The following SUPT3H variants were observed in gnomAD, a reference collection of about 807,000 sequenced individuals.
The protein encoded by SUPT3H is SPT3 homolog, SAGA and STAGA complex component.
SUPT3H carries 44 observed loss-of-function variants against 44.3 expected under a neutral mutation model. The ratio of observed to expected loss-of-function variants is 0.99; its 90% CI spans 0.78 to 1.28. The LOEUF (loss-of-function observed/expected upper bound fraction) is 1.28. SUPT3H is among the 50% of genes most tolerant of loss of function. The pLI is 0.00. For missense variants in SUPT3H, 380 were observed against 387.1 expected (o/e 0.98, Z 0.15); for synonymous variants, 124 against 125.6 (o/e 0.99, Z 0.09).
intron 3 of SUPT3H, among the ~76,000 whole-genome samples, chr6:45,062,771 A>G (rs1402918472): frequency 6.6e-6 from 1 of 152,140 alleles, no homozygotes; most frequent in African/African-American, 2.4e-5. Flanking sequence ...AAAGCGGCGA[A>G]CCATGAGATT....
chr6:45,150,761 C>A (rs1208875175), intron 2 of SUPT3H, among the ~76,000 whole-genome samples: 1 of 120,836 alleles, frequency 8.3e-6, no homozygotes, highest in East Asian at 2.7e-4. Flanking sequence ...CTCACTCTGT[C>A]GCCCAGGCTG....
chr6:45,348,303 A>G (rs1791298679), intron 2 of SUPT3H, among the ~76,000 whole-genome samples: 2 of 152,046 alleles, frequency 1.3e-5, no homozygotes, highest in Non-Finnish European at 2.9e-5. Flanking sequence ...AATTTCTATT[A>G]AAGAAATTCT....
intron 10 of SUPT3H, among the ~76,000 whole-genome samples, chr6:44,917,210 T>C (rs1301462375): frequency 6.6e-6 from 1 of 152,118 alleles, no homozygotes; most frequent in Admixed American, 6.5e-5. Flanking sequence ...CTCAGGCAAG[T>C]TGTCTGACTC....
At chr6:44,889,151 T>A (rs1261117355) in intron 10 of SUPT3H, among the ~76,000 whole-genome samples, 1 of 152,058 alleles carries the variant, frequency 6.6e-6, no homozygotes, top group East Asian at 1.9e-4. Flanking sequence ...TCCATGCTCA[T>A]GGGTAGGAAG....
chr6:45,063,916 C>G (rs1436489625), intron 3 of SUPT3H, among the ~76,000 whole-genome samples: 1 of 106,932 alleles, frequency 9.4e-6, no homozygotes, highest in Non-Finnish European at 1.8e-5. Flanking sequence ...CTTCCCCAAT[C>G]TAGCAAGGCA....
At chr6:44,917,017 G>C (rs1037049986) in intron 10 of SUPT3H, among the ~76,000 whole-genome samples, 2 of 150,984 alleles carry the variant, frequency 1.3e-5, no homozygotes, top group African/African-American at 4.9e-5. Context: ...ACTTGGGCAT[G>C]ACAGTATACG....
chr6:44,912,820 A>C (rs116410385), intron 10 of SUPT3H, among the ~76,000 whole-genome samples: 1 of 152,204 alleles, frequency 6.6e-6, no homozygotes, highest in African/African-American at 2.4e-5. Flanking sequence ...GGAAATGAAC[A>C]CTGGCTCTGA....
In SUPT3H at chr6:45,168,404, C is replaced by A. The variant is rs9381367; in HGVS notation, c.102-62398G>T. Among the ~76,000 whole-genome samples, 12 of 152,188 alleles carry A rather than the reference C, an allele frequency of 7.9e-5. No homozygotes were observed. The East Asian group carries it at 2.3e-3, about 29-fold the overall frequency. The stretch of plus-strand genomic sequence containing the variant: ...GCAAAACCCAAAATGGTCCAATGAG[C>A]ATTTCCTTGAGTGTCACATTGGCAC... On this transcript the variant is annotated intron_variant, in intron 2 of 10. Transcript: ENST00000371459.
intron 3 of SUPT3H, among the ~76,000 whole-genome samples, chr6:45,021,264 T>C (rs570480676): frequency 6.6e-6 from 1 of 151,994 alleles, no homozygotes; most frequent in South Asian, 2.1e-4. Context: ...CACTAAAAGT[T>C]AGATTCCCCC....
At chr6:45,244,966 T>C (rs577386516) in intron 2 of SUPT3H, among the ~76,000 whole-genome samples, 2 of 152,262 alleles carry the variant, frequency 1.3e-5, no homozygotes, top group South Asian at 4.1e-4. Flanking sequence ...TTACTAAATA[T>C]CTATGAATGC....
chr6:44,977,918 T>C (rs1243268305), intron 6 of SUPT3H, among the ~76,000 whole-genome samples: 1 of 152,144 alleles, frequency 6.6e-6, no homozygotes, highest in Non-Finnish European at 1.5e-5. Context: ...CAGATTGCGC[T>C]ACATGCAGTT....
At chr6:45,208,252 G>C (rs1314067248) in intron 2 of SUPT3H, among the ~76,000 whole-genome samples, 1 of 152,200 alleles carries the variant, frequency 6.6e-6, no homozygotes, top group Non-Finnish European at 1.5e-5. Context: ...TGAAGGCTGA[G>C]AAAGGTAAGG....
At chr6:44,965,758 A>G (rs1008328563) in intron 6 of SUPT3H, among the ~76,000 whole-genome samples, 3 of 152,338 alleles carry the variant, frequency 2.0e-5, no homozygotes. Context: ...TCTGAGTATT[A>G]TATTTTCTCC....
chr6:45,346,229 A>G (rs532740595), intron 2 of SUPT3H, among the ~76,000 whole-genome samples: 1 of 152,160 alleles, frequency 6.6e-6, no homozygotes, highest in Non-Finnish European at 1.5e-5. Context: ...ATATGTAAAT[A>G]TATATAATTC....
chr6:44,884,468 C>T (rs952697846), intron 10 of SUPT3H, among the ~76,000 whole-genome samples: 9 of 152,192 alleles, frequency 5.9e-5, no homozygotes, highest in Admixed American at 2.0e-4. Context: ...GATCTAGAAG[C>T]AGAAATACCA....
intron 2 of SUPT3H, among the ~76,000 whole-genome samples, chr6:45,185,476 GT>G (rs1171505067): frequency 2.3e-4 from 35 of 152,302 alleles, no homozygotes; most frequent in African/African-American, 8.2e-4. Context: ...AGTGGGAGGA[GT>G]CTTAGGGAAA....
chr6:45,036,341 T>A (rs1239191814), intron 3 of SUPT3H, among the ~76,000 whole-genome samples: 1 of 151,900 alleles, frequency 6.6e-6, no homozygotes, highest in African/African-American at 2.4e-5. Flanking sequence ...CTTGAACATG[T>A]TGGAGGAAAG....
At chr6:44,950,575 G>C (rs1390525554) in intron 9 of SUPT3H, among the ~76,000 whole-genome samples, 1 of 152,064 alleles carries the variant, frequency 6.6e-6, no homozygotes, top group Non-Finnish European at 1.5e-5. Context: ...TCATGCCTGT[G>C]AATAGCCACT....
In SUPT3H at chr6:44,831,891, C is replaced by CAA. The variant is rs529535670; in HGVS notation, c.913-2036_913-2035dup. Among the ~76,000 whole-genome samples the CAA allele has an allele frequency of 8.9e-3, 1,355 of 152,158 alleles. 13 individuals carry two copies. The highest frequency in any genetic ancestry group is 0.025 in the South Asian group (119 of 4,818). On this transcript the variant is annotated intron_variant, in intron 10 of 10. Transcript: ENST00000371459. ...AGATGATTTATCACTGCTTTGCAAA[C>CAA]AAAAGATTTTTTTTTAATAACTTAT...
Sources: allele counts gnomAD v4.1 joint callset (sites outside exome capture counted in the v4.1 genomes callset), GRCh38; gene constraint gnomAD v4.1.1; transcripts MANE v1.5; gene names NCBI Gene and HGNC (gene_info 2026-07-23, HGNC 2026-07-21).